Variants in FAM187A observed in about 807,000 individuals in gnomAD.
The protein encoded by FAM187A is family with sequence similarity 187 member A, also known as Ig-like V-type domain-containing protein FAM187A.
A neutral mutation model predicts 6.4 loss-of-function variants in FAM187A; 4 were observed. That is an observed-to-expected ratio of 0.63 (90% CI 0.31 to 1.44). The LOEUF (loss-of-function observed/expected upper bound fraction) is 1.44, where lower values mean the gene tolerates loss of function less well. FAM187A is among the 40% of genes most tolerant of loss of function. FAM187A has a pLI of 0.07. For synonymous variants in FAM187A, 221 were observed against 213.4 expected (o/e 1.04, Z -0.31); for missense variants, 463 against 542.2 (o/e 0.85, Z 1.45).
chr17:44,904,473 G>T (rs1230826970), exon 4 of FAM187A: 4 of 1,546,442 alleles, frequency 2.6e-6, no homozygotes, highest in Non-Finnish European at 3.5e-6. Context: ...GTGTCTTGTG[G>T]CTCAAGGGCT....
At chr17:44,904,474 C>T (rs774008775) in exon 4 of FAM187A, 19 of 1,546,880 alleles carry the variant, frequency 1.2e-5, no homozygotes, top group East Asian at 2.4e-5. Flanking sequence ...TGTCTTGTGG[C>T]TCAAGGGCTG....
chr17:44,904,519 C>G, exon 4 of FAM187A: 1 of 1,550,244 alleles, frequency 6.5e-7, no homozygotes, highest in South Asian at 1.2e-5. Context: ...CCAGGGACCA[C>G]ACGCCTGAGG....
In FAM187A at chr17:44,903,759, T is replaced by C. The variant is rs550717053; in HGVS notation, c.-71T>C. The C allele has an allele frequency of 3.9e-5, 57 of 1,473,258 alleles. No homozygotes were observed. The African/African-American group carries it at 6.1e-4, about 16-fold the overall frequency. 91.3% of individuals were successfully genotyped at this position (1,473,258 alleles called of 1,614,324 possible). A position where few individuals can be genotyped will look rare whatever the true frequency, so the allele number is the denominator to read the frequency against. ...TCTAGAGGCTTCCGCTTAGCAGAGC[T>C]TTCTAGGAGCCCTATGAGCCTTTAA... is the stretch of plus-strand genomic sequence containing the variant. On this transcript the variant is annotated 5_prime_UTR_variant, in exon 4 of 4. Coordinates refer to ENST00000331733, the Ensembl canonical transcript of FAM187A.
At chr17:44,905,220 G>A (rs982533214) in exon 4 of FAM187A, 1 of 661,882 alleles carries the variant, frequency 1.5e-6, no homozygotes, top group Non-Finnish European at 2.6e-6. Context: ...TCATGGGCAG[G>A]TCTGGGACCT....
chr17:44,904,601 A>T, exon 4 of FAM187A: 1 of 1,550,590 alleles, frequency 6.4e-7, no homozygotes, highest in African/African-American at 1.4e-5. Flanking sequence ...GGCCATCATT[A>T]ACTATGTGTC....
At chr17:44,904,274 A>G in exon 4 of FAM187A, 2 of 1,550,134 alleles carry the variant, frequency 1.3e-6, no homozygotes, top group Non-Finnish European at 1.7e-6. Flanking sequence ...AATGGTGGCC[A>G]CTTTCCAGGA....
chr17:44,904,660 C>G (rs1290466478), exon 4 of FAM187A: 13 of 1,550,556 alleles, frequency 8.4e-6, no homozygotes, highest in South Asian at 5.9e-5. Context: ...TTCAGTTCCA[C>G]CAGCAGAGAC....
chr17:44,903,603 C>G, exon 4 of FAM187A: 2 of 1,405,566 alleles, frequency 1.4e-6, no homozygotes, highest in Non-Finnish European at 9.2e-7. Flanking sequence ...GGCTTTCCCC[C>G]CCCACCCTGA....
At chr17:44,905,301 A>G in exon 4 of FAM187A, 1 of 550,008 alleles carries the variant, frequency 1.8e-6, no homozygotes, top group South Asian at 2.5e-5. Context: ...AGTAGGGCAC[A>G]TGTGTTTCCT....
In FAM187A at chr17:44,904,956, C is replaced by T. The variant is rs555402721; in HGVS notation, c.1127C>T (p.Ser376Leu). Residue 376 changes from serine (S) to leucine (L), a missense_variant, in exon 4 of 4, where the codon TCG (serine) becomes TTG (leucine). Coordinates refer to ENST00000331733, the Ensembl canonical transcript of FAM187A. ...TCGTTCTCAGATCCTGAGACTCGCT[C>T]GGCTGTGGAGCTCACCCTGATAGGC... 3,408 of 1,550,702 alleles carry T rather than the reference C, an allele frequency of 2.2e-3. 38 individuals are homozygous for T. Among genetic ancestry groups the T allele is most frequent in the South Asian group, 0.018 (1,478 of 84,056 alleles).
At chr17:44,903,892 G>A in exon 4 of FAM187A, 2 of 1,550,592 alleles carry the variant, frequency 1.3e-6, no homozygotes, top group Admixed American at 2.0e-5. Context: ...TTGAAATTGT[G>A]GAGAAGGAAA....
exon 4 of FAM187A, chr17:44,904,597 C>A: frequency 6.4e-7 from 1 of 1,550,594 alleles, no homozygotes; most frequent in South Asian, 1.2e-5. Context: ...TGCTGGCCAT[C>A]ATTAACTATG....
At chr17:44,905,160 A>T (rs150982500) in exon 4 of FAM187A, 2 of 1,047,700 alleles carry the variant, frequency 1.9e-6, no homozygotes, top group African/African-American at 1.6e-5. Context: ...CTGGGTTGGG[A>T]CAGGTGGTAG....
exon 4 of FAM187A, chr17:44,905,106 C>T (rs1423973032): frequency 7.5e-6 from 11 of 1,462,552 alleles, no homozygotes; most frequent in Non-Finnish European, 1.0e-5. Context: ...AGTTGTCCTT[C>T]AATGTGTTTG....
chr17:44,904,217 G>T lies in FAM187A; in HGVS notation c.388G>T (p.Gly130Trp), dbSNP rs544522089. ...CCTGTACTTCTGCGGCACCCGCAAGGGGGACTACTTTTACGCCTACGATGT... is the reference window on the plus strand; with the variant it reads ...CCTGTACTTCTGCGGCACCCGCAAGTGGGACTACTTTTACGCCTACGATGT... The change falls in exon 4 of 4, where the codon GGG becomes TGG. Residue 130 changes from glycine to tryptophan, a missense_variant. Transcript: ENST00000331733. 1.1e-4 allele frequency: 170 copies of T among 1,550,564 alleles called. 2 individuals carry two copies. The South Asian group carries it at 1.8e-3, about 16-fold the overall frequency.
rs780071216 is a variant in FAM187A at position 44,904,845 on chromosome 17, A to G, written c.1016A>G (p.Asp339Gly). The change falls in exon 4 of 4, where the codon GAC (aspartate) becomes GGC (glycine). Residue 339 changes from aspartate to glycine, a missense_variant. Coordinates refer to ENST00000331733, the Ensembl canonical transcript of FAM187A. Reference sequence around the variant, plus strand: ...CACATCCGCTTCACCCAGCTGGATGACCGGGGCATCTACTATTGCTGGAGG... The same window carrying G: ...CACATCCGCTTCACCCAGCTGGATGGCCGGGGCATCTACTATTGCTGGAGG... 25 of 1,550,488 alleles carry G rather than the reference A, an allele frequency of 1.6e-5. No individual in the cohort carries two copies. In the Middle Eastern group the frequency reaches 5.0e-4, roughly 31 times the overall value.
exon 4 of FAM187A, chr17:44,903,869 G>A (rs865845524): frequency 2.6e-6 from 4 of 1,511,920 alleles, no homozygotes; most frequent in African/African-American, 2.9e-5. Flanking sequence ...GTGGGCATGG[G>A]GGCTCCAGGC....
At chr17:44,904,843 T>A (rs551532739) in exon 4 of FAM187A, 12 of 1,550,652 alleles carry the variant, frequency 7.7e-6, no homozygotes, top group Non-Finnish European at 8.7e-6. Flanking sequence ...CCCAGCTGGA[T>A]GACCGGGGCA....
exon 4 of FAM187A, chr17:44,904,582 G>A (rs1471101292): frequency 3.2e-6 from 5 of 1,550,482 alleles, no homozygotes; most frequent in Non-Finnish European, 4.4e-6. Context: ...CCATCCGGGA[G>A]GGCGTGCTGG....
Sources: gnomAD v4.1 joint callset for allele counts on GRCh38, gnomAD v4.1.1 for gene constraint, MANE v1.5 for transcripts, NCBI Gene and HGNC (gene_info 2026-07-23, HGNC 2026-07-21) for gene names.